Variants in TMEM132C observed in about 807,000 individuals in gnomAD.
TMEM132C encodes the protein transmembrane protein 132C.
In TMEM132C, 29 loss-of-function variants were observed where a neutral mutation model predicts 61.4. The ratio of observed to expected loss-of-function variants is 0.47; its 90% CI spans 0.35 to 0.64. The LOEUF (loss-of-function observed/expected upper bound fraction) is 0.64. Among genes scored for constraint, TMEM132C ranks in the 30% least tolerant of loss-of-function variants. The pLI is 0.00. For synonymous variants in TMEM132C, 656 were observed against 633.1 expected (o/e 1.04, Z -0.54); for missense variants, 1,408 against 1,476.9 (o/e 0.95, Z 0.76).
chr12:128,497,594 A>G (rs1302742449), intron 2 of TMEM132C, among the ~76,000 whole-genome samples: 1 of 152,208 alleles, frequency 6.6e-6, no homozygotes, highest in Non-Finnish European at 1.5e-5. Context: ...TGTGCTAGCA[A>G]CGAGCGAGGC....
intron 2 of TMEM132C, among the ~76,000 whole-genome samples, chr12:128,514,611 A>G (rs1872664687): frequency 6.6e-6 from 1 of 152,166 alleles, no homozygotes; most frequent in Non-Finnish European, 1.5e-5. Flanking sequence ...TTCACCCTAA[A>G]GAAGAGTTGA....
chr12:128,341,102 G>A (rs896876219), intron 1 of TMEM132C, among the ~76,000 whole-genome samples: 10 of 151,804 alleles, frequency 6.6e-5, no homozygotes, highest in Admixed American at 4.6e-4. Context: ...TACCAGGACC[G>A]GCTAGTTTTT....
chr12:128,467,972 A>G (rs1171201100), intron 2 of TMEM132C, among the ~76,000 whole-genome samples: 1 of 152,222 alleles, frequency 6.6e-6, no homozygotes, highest in East Asian at 1.9e-4. Flanking sequence ...TGAACCTATG[A>G]TAAACATGTG....
At chr12:128,307,510 C>T (rs1871823755) in intron 1 of TMEM132C, among the ~76,000 whole-genome samples, 1 of 151,794 alleles carries the variant, frequency 6.6e-6, no homozygotes, top group Non-Finnish European at 1.5e-5. Context: ...AATTGTTTTG[C>T]AGGATAAATT....
chr12:128,445,752 G>A (rs747459745), intron 2 of TMEM132C, among the ~76,000 whole-genome samples: 1 of 152,190 alleles, frequency 6.6e-6, no homozygotes, highest in Non-Finnish European at 1.5e-5. Context: ...TGAAAAGTCT[G>A]CGGGGAATAA....
intron 1 of TMEM132C, among the ~76,000 whole-genome samples, chr12:128,392,691 A>G (rs2136001236): frequency 6.6e-6 from 1 of 152,198 alleles, no homozygotes. Context: ...TTTCAGGGGT[A>G]TCCAATCTTT....
intron 1 of TMEM132C, among the ~76,000 whole-genome samples, chr12:128,304,701 T>C (rs1871707336): frequency 6.6e-6 from 1 of 152,160 alleles, no homozygotes; most frequent in South Asian, 2.1e-4. Flanking sequence ...GGCATCCACA[T>C]ATGTGAAAAA....
At chr12:128,552,909 A>G (rs1414556074) in intron 3 of TMEM132C, among the ~76,000 whole-genome samples, 3 of 151,502 alleles carry the variant, frequency 2.0e-5, no homozygotes, top group Non-Finnish European at 1.5e-5. Context: ...CTCTGTCTCA[A>G]AAACAAACAA....
At chr12:128,515,098 G>A (rs573128393) in intron 2 of TMEM132C, among the ~76,000 whole-genome samples, 10 of 152,270 alleles carry the variant, frequency 6.6e-5, no homozygotes, top group East Asian at 5.8e-4. Flanking sequence ...GGTTAAAATC[G>A]AATAATCTTT....
intron 1 of TMEM132C, among the ~76,000 whole-genome samples, chr12:128,369,926 C>A (rs889110084): frequency 2.0e-5 from 3 of 152,214 alleles, no homozygotes; most frequent in Non-Finnish European, 2.9e-5. Flanking sequence ...ACAGCGTTTC[C>A]CTGGCTAGAA....
intron 5 of TMEM132C, among the ~76,000 whole-genome samples, chr12:128,691,125 G>A (rs1055301988): frequency 1.3e-5 from 2 of 152,196 alleles, no homozygotes; most frequent in African/African-American, 4.8e-5. Flanking sequence ...GCTATGTGAG[G>A]GGTTTCCGAG....
In TMEM132C at chr12:128,673,180, G is replaced by A. The variant is rs955454; in HGVS notation, c.1449+3620G>A. Among the ~76,000 whole-genome samples, 1,210 of 152,302 alleles carry A rather than the reference G, an allele frequency of 7.9e-3. 16 individuals are homozygous for A. Among genetic ancestry groups the A allele is most frequent in the African/African-American group, 0.028 (1,156 of 41,562 alleles). Reference sequence around the variant, plus strand: ...GAAGCCCTTAACACCCAATGCAATGGTATTAGAGGTAGGGCCTTTAGGAGG... The same window carrying A: ...GAAGCCCTTAACACCCAATGCAATGATATTAGAGGTAGGGCCTTTAGGAGG... On this transcript the variant is annotated intron_variant, in intron 5 of 8. Transcript: ENST00000435159.
At chr12:128,683,082 T>A (rs1249625745) in intron 5 of TMEM132C, among the ~76,000 whole-genome samples, 1 of 152,172 alleles carries the variant, frequency 6.6e-6, no homozygotes, top group Non-Finnish European at 1.5e-5. Context: ...GGGCAGGAGC[T>A]GCGGGAGAGA....
chr12:128,418,759 C>T (rs2136025000), intron 2 of TMEM132C, among the ~76,000 whole-genome samples: 1 of 152,288 alleles, frequency 6.6e-6, no homozygotes, highest in East Asian at 1.9e-4. Context: ...TACCTTATCT[C>T]TTTCCAGCTT....
At chr12:128,301,974 T>A (rs1160365526) in intron 1 of TMEM132C, among the ~76,000 whole-genome samples, 4 of 152,168 alleles carry the variant, frequency 2.6e-5, no homozygotes, top group Non-Finnish European at 5.9e-5. Context: ...CTCATGAGAC[T>A]TACTTACTAC....
At chr12:128,373,486 AAG>A (rs1181255970) in intron 1 of TMEM132C, among the ~76,000 whole-genome samples, 1 of 152,172 alleles carries the variant, frequency 6.6e-6, no homozygotes, top group African/African-American at 2.4e-5. Flanking sequence ...GCAGGGGAGA[AAG>A]AGAGAATGAA....
chr12:128,590,721 G>T (rs1004541315), intron 3 of TMEM132C, among the ~76,000 whole-genome samples: 1 of 152,176 alleles, frequency 6.6e-6, no homozygotes, highest in Non-Finnish European at 1.5e-5. Context: ...AGACATGCTG[G>T]ACTGGAAGCT....
At chr12:128,498,042 C>T (rs1246129002) in intron 2 of TMEM132C, among the ~76,000 whole-genome samples, 1 of 152,188 alleles carries the variant, frequency 6.6e-6, no homozygotes. Context: ...TCACAATCTT[C>T]CTCCATCCCC....
At chr12:128,298,292 C>A (rs1871475751) in intron 1 of TMEM132C, among the ~76,000 whole-genome samples, 2 of 152,336 alleles carry the variant, frequency 1.3e-5, no homozygotes, top group South Asian at 4.1e-4. Flanking sequence ...GCCCTCTCCT[C>A]CCCCGGGCCA....
Sources: gnomAD v4.1 joint callset for allele counts (sites outside exome capture counted in the v4.1 genomes callset) on GRCh38, gnomAD v4.1.1 for gene constraint, MANE v1.5 for transcripts, NCBI Gene and HGNC (gene_info 2026-07-23, HGNC 2026-07-21) for gene names.